SIAH3: variants seen among roughly 807,000 people sequenced by gnomAD.
SIAH3 encodes the protein seven in absentia homolog 3.
Under a neutral mutation model 12.6 loss-of-function variants are expected in SIAH3, and 9 were observed. The ratio of observed to expected loss-of-function variants is 0.72; its 90% CI spans 0.43 to 1.25. SIAH3 has a LOEUF of 1.25. Ranked by LOEUF, SIAH3 falls within the 50% of genes most tolerant of loss-of-function variation. SIAH3 has a pLI of 0.00. For missense variants in SIAH3, 390 were observed against 365.4 expected (o/e 1.07, Z -0.55); for synonymous variants, 154 against 151.1 (o/e 1.02, Z -0.14).
chr13:45,814,720 G>A (rs1593381905), intron 1 of SIAH3, among the ~76,000 whole-genome samples: 1 of 105,426 alleles, frequency 9.5e-6, no homozygotes, highest in East Asian at 3.2e-4. Context: ...GTAATTGCGG[G>A]TTTTGCCATT....
intron 1 of SIAH3, among the ~76,000 whole-genome samples, chr13:45,843,575 C>T (rs1420251782): frequency 1.3e-5 from 2 of 152,166 alleles, no homozygotes; most frequent in Admixed American, 6.5e-5. Context: ...TGAGTGTCTT[C>T]CTGAGACCCA....
At chr13:45,842,667 T>C (rs1448840647) in intron 1 of SIAH3, among the ~76,000 whole-genome samples, 1 of 152,160 alleles carries the variant, frequency 6.6e-6, no homozygotes, top group Non-Finnish European at 1.5e-5. Context: ...TATTATTTAA[T>C]CTTTACAACA....
At chr13:45,843,887 C>T (rs1950749502) in intron 1 of SIAH3, among the ~76,000 whole-genome samples, 1 of 152,074 alleles carries the variant, frequency 6.6e-6, no homozygotes, top group African/African-American at 2.4e-5. Context: ...AAGATGCAGT[C>T]CCAAACATCA....
intron 1 of SIAH3, among the ~76,000 whole-genome samples, chr13:45,826,516 G>T (rs147897453): frequency 7.0e-6 from 1 of 143,802 alleles, no homozygotes; most frequent in Non-Finnish European, 1.6e-5. Context: ...TGGATGGATG[G>T]ATCAATCAAT....
At chr13:45,836,101 A>G (rs1289485581) in intron 1 of SIAH3, among the ~76,000 whole-genome samples, 1 of 152,140 alleles carries the variant, frequency 6.6e-6, no homozygotes, top group Non-Finnish European at 1.5e-5. Context: ...GAATGCGTAG[A>G]GTGGAGAGTC....
chr13:45,805,241 A>T (rs940727572), intron 1 of SIAH3, among the ~76,000 whole-genome samples: 2 of 152,180 alleles, frequency 1.3e-5, no homozygotes, highest in Admixed American at 6.5e-5. Flanking sequence ...TAAAATTTAT[A>T]TGGAACCAAA....
chr13:45,785,152 A>G (rs1566086164), intron 1 of SIAH3, among the ~76,000 whole-genome samples: 1 of 152,106 alleles, frequency 6.6e-6, no homozygotes, highest in Non-Finnish European at 1.5e-5. Context: ...CCATCCAGTG[A>G]TTCCTGCCTT....
rs1452071459 is a variant in SIAH3 at position 45,777,762 on chromosome 13, T to A, written c.*5621A>T. ...AGCTGAACCTCAATCAAAGCCTAAC[T>A]CTTTGGGGTCCCACCCATGATCCCT... On this transcript the variant is annotated 3_prime_UTR_variant, in exon 2 of 2. Coordinates refer to ENST00000400405, the MANE Select transcript of SIAH3 (RefSeq NM_198849.3). 6.6e-6 allele frequency: 1 copy of A among 152,188 alleles called. No homozygotes were observed. Among genetic ancestry groups the A allele is most frequent in the East Asian group, 1.9e-4 (1 of 5,198 alleles). 9.4% of individuals were successfully genotyped at this position (152,188 alleles called of 1,614,324 possible).
chr13:45,843,034 C>CTG (rs55772614), intron 1 of SIAH3, among the ~76,000 whole-genome samples: 16,863 of 139,246 alleles, frequency 0.12, 1,346 homozygotes, highest in African/African-American at 0.22. Context: ...CTCTCTCTCT[C>CTG]TGTGTGTGTG....
At chr13:45,803,680 G>A (rs957416733) in intron 1 of SIAH3, among the ~76,000 whole-genome samples, 2 of 152,188 alleles carry the variant, frequency 1.3e-5, no homozygotes, top group Non-Finnish European at 1.5e-5. Context: ...GGTAGTTGAT[G>A]TCCAGGTGGG....
chr13:45,831,736 GCTCATTTCTTCATGTGT>G, intron 1 of SIAH3, among the ~76,000 whole-genome samples: 1 of 152,302 alleles, frequency 6.6e-6, no homozygotes, highest in Non-Finnish European at 1.5e-5. Context: ...AGATGGAACA[GCTCATTTCTTCATGTGT>G]CTCTTCACCC....
rs571045663 is a variant in SIAH3 at position 45,832,650 on chromosome 13, G to A, written c.135+18845C>T. 3.9e-5 allele frequency among the ~76,000 whole-genome samples: 6 copies of A among 152,250 alleles called. No individual in the cohort carries two copies. In the South Asian group the frequency reaches 6.2e-4, roughly 16 times the overall value. On this transcript the variant is annotated intron_variant, in intron 1 of 1. Coordinates refer to ENST00000400405, the MANE Select transcript of SIAH3 (RefSeq NM_198849.3). ...GTGAATAATGCTGCAATAAACATCC[G>A]TTTGACTTTTTATTTTCAGTTCTTT...
intron 1 of SIAH3, among the ~76,000 whole-genome samples, chr13:45,843,191 T>G (rs1950747006): frequency 6.6e-6 from 1 of 152,206 alleles, no homozygotes; most frequent in African/African-American, 2.4e-5. Flanking sequence ...CAGCCTAGAC[T>G]GAGCATCATC....
intron 1 of SIAH3, among the ~76,000 whole-genome samples, chr13:45,818,062 G>A (rs1027823322): frequency 9.2e-5 from 14 of 152,202 alleles, no homozygotes; most frequent in East Asian, 3.9e-4. Flanking sequence ...ATGATGTGGA[G>A]AAATTGGAGG....
chr13:45,829,476 G>C lies in SIAH3; in HGVS notation c.135+22019C>G, dbSNP rs573400544. 1.1e-4 allele frequency among the ~76,000 whole-genome samples: 17 copies of C among 152,264 alleles called. No individual in the cohort carries two copies. In the East Asian group the frequency reaches 3.3e-3, roughly 29 times the overall value. On this transcript the variant is annotated intron_variant, in intron 1 of 1. Transcript: ENST00000400405. ...AAAAAAATATTATCCGGGCATGGTG[G>C]TGTCAACCTTTAGTCCCAGCTACTT...
intron 1 of SIAH3, among the ~76,000 whole-genome samples, chr13:45,839,213 C>G (rs1950730251): frequency 7.1e-6 from 1 of 141,800 alleles, no homozygotes; most frequent in African/African-American, 2.7e-5. Context: ...AAAAAGACTT[C>G]TTTCTCCTCT....
intron 1 of SIAH3, among the ~76,000 whole-genome samples, chr13:45,837,316 G>A (rs554444676): frequency 4.6e-5 from 7 of 152,244 alleles, no homozygotes; most frequent in East Asian, 1.9e-4. Context: ...TTCTCTACAC[G>A]TCAAGGCTCA....
At chr13:45,847,516 G>A (rs1274171921) in intron 1 of SIAH3, among the ~76,000 whole-genome samples, 1 of 152,084 alleles carries the variant, frequency 6.6e-6, no homozygotes, top group Non-Finnish European at 1.5e-5. Flanking sequence ...TGGAAGGCAC[G>A]TGGATGCATC....
At chr13:45,826,953 C>T (rs535783108) in intron 1 of SIAH3, among the ~76,000 whole-genome samples, 87 of 152,282 alleles carry the variant, frequency 5.7e-4, no homozygotes, top group African/African-American at 2.0e-3. Flanking sequence ...ATGAACTCAG[C>T]GGGCTAGATT....
Sources: allele counts gnomAD v4.1 joint callset (sites outside exome capture counted in the v4.1 genomes callset), GRCh38; gene constraint gnomAD v4.1.1; transcripts MANE v1.5; gene names NCBI Gene and HGNC (gene_info 2026-07-23, HGNC 2026-07-21).